The following ONECUT2 variants were observed in gnomAD, a reference collection of about 807,000 sequenced individuals.
ONECUT2 encodes the protein one cut homeobox 2, also known as one cut domain family member 2.
A neutral mutation model predicts 27.9 loss-of-function variants in ONECUT2; 10 were observed. The ratio of observed to expected loss-of-function variants is 0.36; its 90% CI spans 0.22 to 0.61. The LOEUF (loss-of-function observed/expected upper bound fraction) is 0.61, where lower values mean the gene tolerates loss of function less well. ONECUT2 is among the 20% of genes least tolerant of loss of function. ONECUT2 has a pLI of 0.73. For missense variants in ONECUT2, 686 were observed against 721.0 expected (o/e 0.95, Z 0.56); for synonymous variants, 334 against 315.1 (o/e 1.06, Z -0.64).
intron 1 of ONECUT2, among the ~76,000 whole-genome samples, chr18:57,463,941 G>T: frequency 6.7e-6 from 1 of 149,620 alleles, no homozygotes. Flanking sequence ...TTTTTTATTA[G>T]TTCTAGTAAT....
At chr18:57,459,541 A>C (rs1451761238) in intron 1 of ONECUT2, among the ~76,000 whole-genome samples, 1 of 152,148 alleles carries the variant, frequency 6.6e-6, no homozygotes, top group Non-Finnish European at 1.5e-5. Flanking sequence ...ACTTTGATGT[A>C]TCAAATTCAT....
At chr18:57,442,269 A>G (rs954865119) in intron 1 of ONECUT2, among the ~76,000 whole-genome samples, 11 of 137,806 alleles carry the variant, frequency 8.0e-5, no homozygotes, top group Admixed American at 6.7e-4. Flanking sequence ...TTTTGAAATT[A>G]TGAATCCCAC....
At chr18:57,467,793 G>A (rs1293464186) in intron 1 of ONECUT2, among the ~76,000 whole-genome samples, 1 of 152,200 alleles carries the variant, frequency 6.6e-6, no homozygotes, top group Non-Finnish European at 1.5e-5. Context: ...GCAGTGCCAA[G>A]CCTTCCCGGA....
chr18:57,436,674 T>C lies in ONECUT2; in HGVS notation c.958T>C (p.Ser320Pro), dbSNP rs779368402. The C allele has an allele frequency of 1.2e-6, 2 of 1,613,092 alleles. No homozygotes were observed. Among genetic ancestry groups the C allele is most frequent in the Non-Finnish European group, 1.7e-6 (2 of 1,179,972 alleles). The change falls in exon 1 of 2, where the codon TCG becomes CCG. Residue 320 changes from serine (S) to proline (P), a missense_variant. By Grantham distance (74) the Ser-to-Pro change is moderately conservative. Transcript: ENST00000491143. The surrounding 1 kb of genome is among the most constrained non-coding windows in gnomAD (Gnocchi z 5.9). Reference sequence around the variant, plus strand: ...TCGCGAGCGGCCACCCTCGTCCTCATCGGGCTCGCAGGTGGCCACGTCGGG... The same window carrying C: ...TCGCGAGCGGCCACCCTCGTCCTCACCGGGCTCGCAGGTGGCCACGTCGGG... ...PSRERPPSSS[S>P]GSQVATSGQL...
chr18:57,475,706 C>T (rs1598944809), intron 1 of ONECUT2, among the ~76,000 whole-genome samples: 1 of 152,220 alleles, frequency 6.6e-6, no homozygotes, highest in African/African-American at 2.4e-5. Flanking sequence ...AACATGTCTA[C>T]AAGCCTGAAG....
At position 57,436,273 on chromosome 18, in the gene ONECUT2, G is replaced by T; in HGVS notation, c.557G>T (p.Arg186Leu). 6.2e-7 allele frequency: 1 copy of T among 1,603,842 alleles called. No individual in the cohort carries two copies. The highest frequency in any genetic ancestry group is 8.5e-7 in the Non-Finnish European group (1 of 1,179,038). Residue 186 changes from arginine (R) to leucine (L), a missense_variant, in exon 1 of 2, where the codon CGC (arginine) becomes CTC (leucine). Physicochemically the swap from Arg to Leu is moderately radical, Grantham distance 102. This residue lies in a region of ONECUT2 where 511 missense variants were observed against 488.1 expected (regional missense o/e 1.05). Transcript: ENST00000491143. The surrounding 1 kb of genome is among the most constrained non-coding windows in gnomAD (Gnocchi z 5.9). ...CACCACCACCACCACCACCACCAGC[G>T]CCTGTCCGGCAACGTCAGCGGCAGC... ...PHHHHHHHHQ[R>L]LSGNVSGSFT...
At chr18:57,461,196 T>C (rs2050289395) in intron 1 of ONECUT2, among the ~76,000 whole-genome samples, 1 of 152,192 alleles carries the variant, frequency 6.6e-6, no homozygotes, top group Non-Finnish European at 1.5e-5. Context: ...AGACTCACTA[T>C]ATGTGTATTC....
At chr18:57,474,849 C>T (rs1598944419) in intron 1 of ONECUT2, among the ~76,000 whole-genome samples, 1 of 152,306 alleles carries the variant, frequency 6.6e-6, no homozygotes, top group South Asian at 2.1e-4. Flanking sequence ...AGGAAAGCAT[C>T]TGAGCAGCAC....
rs1208155552 is a variant in ONECUT2, at chr18:57,477,361, T to C, written c.*638T>C. ...ACCTGTTTTTCCAACCCAGACATCTTTTCATTGAATGATTTAGAAAGCTTT... is the reference window on the plus strand; with the variant it reads ...ACCTGTTTTTCCAACCCAGACATCTCTTCATTGAATGATTTAGAAAGCTTT... On this transcript the variant is annotated 3_prime_UTR_variant, in exon 2 of 2. Transcript: ENST00000491143. The C allele has an allele frequency of 6.6e-6, 1 of 152,662 alleles. No individual in the cohort carries two copies. The highest frequency in any genetic ancestry group is 1.5e-5 in the Non-Finnish European group (1 of 68,052). The allele number at this position is 152,662 out of a possible 1,614,324, so 9.5% of individuals were successfully genotyped here. A position where few individuals can be genotyped will look rare whatever the true frequency, so the allele number is the denominator to read the frequency against.
chr18:57,472,702 G>GTATA (rs765722119), intron 1 of ONECUT2, among the ~76,000 whole-genome samples: 1 of 150,970 alleles, frequency 6.6e-6, no homozygotes, highest in African/African-American at 2.4e-5. Flanking sequence ...ATATGTGTGT[G>GTATA]TATATATATA....
Position 57,482,197 on chromosome 18 carries a change from T to C in ONECUT2, c.*5474T>C, listed in dbSNP as rs2050419592. 6.6e-6 allele frequency: 1 copy of C among 152,208 alleles called. No individual in the cohort carries two copies. The highest frequency in any genetic ancestry group is 1.5e-5 in the Non-Finnish European group (1 of 68,030). The allele number at this position is 152,208 out of a possible 1,614,324, so 9.4% of individuals were successfully genotyped here. ...GATGTTGATTTTAAATATGGATGTC[T>C]CAATGCCTGTTTTCTATCAATGATT... On this transcript the variant is annotated 3_prime_UTR_variant, in exon 2 of 2. Coordinates refer to ENST00000491143, the MANE Select transcript of ONECUT2 (RefSeq NM_004852.3).
intron 1 of ONECUT2, among the ~76,000 whole-genome samples, chr18:57,460,217 C>G (rs2050282872): frequency 6.6e-6 from 1 of 152,200 alleles, no homozygotes; most frequent in South Asian, 2.1e-4. Flanking sequence ...GCCACCATGC[C>G]TGGCCTTGGG....
chr18:57,476,682 G>A lies in ONECUT2; in HGVS notation c.1474G>A (p.Gly492Arg). The change falls in exon 2 of 2, where the codon GGG becomes AGG. Residue 492 changes from glycine (G) to arginine (R), a missense_variant. Gly to Arg is a moderately radical substitution (Grantham distance 125, BLOSUM62 -2). This residue lies in a region of ONECUT2 where 77 missense variants were observed against 105.5 expected (regional missense o/e 0.73). Transcript: ENST00000491143. ...LEKWQDDLST[G>R]GSSSTSSTCT... is the part of the protein sequence containing the mutation. Reference sequence around the variant, plus strand: ...GAAGTGGCAAGACGATCTGAGCACAGGGGGCTCCTCGTCCACCTCCAGCAC... The same window carrying A: ...GAAGTGGCAAGACGATCTGAGCACAAGGGGCTCCTCGTCCACCTCCAGCAC... 2.5e-6 allele frequency: 4 copies of A among 1,614,162 alleles called. No homozygotes were observed. The highest frequency in any genetic ancestry group is 3.4e-6 in the Non-Finnish European group (4 of 1,180,018).
chr18:57,488,176 T>C lies in ONECUT2; in HGVS notation c.*11453T>C, dbSNP rs2122170181. ...TTGTGGTAATGTAAACTTTGATATA[T>C]AGTCTTTTTATTTTTCTCTTATTAA... On this transcript the variant is annotated 3_prime_UTR_variant, in exon 2 of 2. Transcript: ENST00000491143. 1 of 152,796 alleles carries C rather than the reference T, an allele frequency of 6.5e-6. No homozygotes were observed. The highest frequency in any genetic ancestry group is 6.5e-5 in the Admixed American group (1 of 15,298). The allele number at this position is 152,796 out of a possible 1,614,324, so 9.5% of individuals were successfully genotyped here.
rs145558689 is a variant in ONECUT2 at position 57,469,903 on chromosome 18, G to A, written c.1229-6534G>A. ...GCTCACAGTCCTGCAGCTGATAAGT[G>A]GCTGACAAGGAGTAGGAAACAGGGT... On this transcript the variant is annotated intron_variant, in intron 1 of 1. Transcript: ENST00000491143. Among the ~76,000 whole-genome samples the A allele has an allele frequency of 2.6e-3, 399 of 152,266 alleles. 2 individuals carry two copies. Among genetic ancestry groups the A allele is most frequent in the African/African-American group, 9.1e-3 (377 of 41,554 alleles).
Position 57,435,808 on chromosome 18 carries a change from C to A in ONECUT2, c.92C>A (p.Thr31Asn). ...NPELTMESLG[T>N]LHGPAGGGSG... ...GAGCTGACAATGGAAAGTCTGGGCA[C>A]TTTGCACGGGCCGGCCGGCGGCGGC... Residue 31 changes from threonine to asparagine, a missense_variant, in exon 1 of 2, where the codon ACT becomes AAT. Coordinates refer to ENST00000491143, the MANE Select transcript of ONECUT2 (RefSeq NM_004852.3). The A allele has an allele frequency of 1.7e-6, 2 of 1,158,886 alleles. No homozygotes were observed. The highest frequency in any genetic ancestry group is 2.2e-6 in the Non-Finnish European group (2 of 917,062). The allele number at this position is 1,158,886 out of a possible 1,614,324, so 71.8% of individuals were successfully genotyped here.
chr18:57,462,566 T>C (rs1054227496), intron 1 of ONECUT2, among the ~76,000 whole-genome samples: 5 of 151,812 alleles, frequency 3.3e-5, no homozygotes, highest in Non-Finnish European at 7.4e-5. Flanking sequence ...TTCTTAAAAT[T>C]GTTTTTTGTA....
rs368387046 is a variant in ONECUT2 at position 57,455,517 on chromosome 18, C to T, written c.1228+18573C>T. ...TTATAACACTAATTAGAGTGGCTTC[C>T]AGTTAATTCACTTGGTGATTCATTA... On this transcript the variant is annotated intron_variant, in intron 1 of 1. Transcript: ENST00000491143. Among the ~76,000 whole-genome samples, 9 of 152,258 alleles carry T rather than the reference C, an allele frequency of 5.9e-5. No homozygotes were observed. The East Asian group carries it at 1.3e-3, about 23-fold the overall frequency.
At chr18:57,450,013 A>G (rs1390291045) in intron 1 of ONECUT2, among the ~76,000 whole-genome samples, 1 of 152,156 alleles carries the variant, frequency 6.6e-6, no homozygotes, top group Non-Finnish European at 1.5e-5. Context: ...CTGCTGGTCC[A>G]TGGCTGAACC....
Sources: gnomAD v4.1 joint callset for allele counts (sites outside exome capture counted in the v4.1 genomes callset) on GRCh38, gnomAD v4.1.1 for gene constraint, gnomAD v4.1.1 regional missense constraint, Gnocchi (gnomAD v3.1) non-coding constraint, MANE v1.5 for transcripts, NCBI Gene and HGNC (gene_info 2026-07-23, HGNC 2026-07-21) for gene names.